Variants in MYH8 observed in about 807,000 individuals in gnomAD.
MYH8 encodes the protein myosin-8.
In MYH8, 168 loss-of-function variants were observed where a neutral mutation model predicts 233.2. That is an observed-to-expected ratio of 0.72 (90% CI 0.64 to 0.82). MYH8 has a LOEUF of 0.82. Among genes scored for constraint, MYH8 ranks in the 40% least tolerant of loss-of-function variants. The pLI is 0.00. For synonymous variants in MYH8, 785 were observed against 850.6 expected (o/e 0.92, Z 1.34); for missense variants, 1,995 against 2,327.8 (o/e 0.86, Z 2.94).
chr17:10,407,204 C>T (rs1156732469), intron 17 of MYH8, among the ~76,000 whole-genome samples: 2 of 152,088 alleles, frequency 1.3e-5, no homozygotes, highest in Admixed American at 1.3e-4. Flanking sequence ...TTTGTAACAC[C>T]AGGGATCTGT....
intron 22 of MYH8, among the ~76,000 whole-genome samples, chr17:10,402,156 GTA>G (rs200451270): frequency 6.6e-6 from 1 of 151,222 alleles, no homozygotes; most frequent in Non-Finnish European, 1.5e-5. Flanking sequence ...TCAATTTTGT[GTA>G]TATATATATA....
chr17:10,390,502 T>C lies in MYH8; in HGVS notation c.5766A>G (p.Lys1922=). 3 of 1,614,172 alleles carry C rather than the reference T, an allele frequency of 1.9e-6. No homozygotes were observed. The highest frequency in any genetic ancestry group is 2.5e-6 in the Non-Finnish European group (3 of 1,180,054). ...GAACCTCTCGGCTCTTCACTCGCAA[T>C]TTGTTGACCTGGGACTCAGCAATGT... The part of the protein sequence containing the change: ...RADIAESQVN[K]LRVKSREVHT... The change falls in exon 40 of 40, where the codon AAA becomes AAG. Residue 1922 remains lysine, a synonymous_variant. Coordinates refer to ENST00000403437, the MANE Select transcript of MYH8 (RefSeq NM_002472.3).
Position 10,396,843 on chromosome 17 carries a change from G to A in MYH8, c.4322C>T (p.Ala1441Val). 6.2e-7 allele frequency: 1 copy of A among 1,614,192 alleles called. No homozygotes were observed. The highest frequency in any genetic ancestry group is 8.5e-7 in the Non-Finnish European group (1 of 1,180,048). The change falls in exon 31 of 40, where the codon GCC becomes GTC. Residue 1441 changes from alanine to valine, a missense_variant. Coordinates refer to ENST00000403437, the MANE Select transcript of MYH8 (RefSeq NM_002472.3). This position sits in a 1 kb window ranked among gnomAD's most constrained non-coding sequence, Gnocchi z 4.2. ...LMLDVERSNA[A>V]CAALDKKQRN... ...TTGCTTCTTATCAAGGGCTGCACAGGCTGCATTAGACCTTTCCACATCAAG... is the reference window on the plus strand; with the variant it reads ...TTGCTTCTTATCAAGGGCTGCACAGACTGCATTAGACCTTTCCACATCAAG...
rs2142191056 is a variant in MYH8, at chr17:10,417,518, C to T, written c.511+1127G>A. Among the ~76,000 whole-genome samples, 1 of 152,294 alleles carries T rather than the reference C, an allele frequency of 6.6e-6. No individual in the cohort carries two copies. Among genetic ancestry groups the T allele is most frequent in the Non-Finnish European group, 1.5e-5 (1 of 68,030 alleles). On this transcript the variant is annotated intron_variant, in intron 5 of 39. Coordinates refer to ENST00000403437, the MANE Select transcript of MYH8 (RefSeq NM_002472.3). This position sits in a 1 kb window ranked among gnomAD's most constrained non-coding sequence, Gnocchi z 4.1. Reference sequence around the variant, plus strand: ...GCAATGCTAAAATAACACTCACCAGCTCAAAGGCTAGAGCTCTGTACCATT... The same window carrying T: ...GCAATGCTAAAATAACACTCACCAGTTCAAAGGCTAGAGCTCTGTACCATT...
intron 12 of MYH8, among the ~76,000 whole-genome samples, chr17:10,413,225 G>A (rs560243311): frequency 1.2e-4 from 18 of 152,176 alleles, no homozygotes; most frequent in Admixed American, 8.5e-4. Context: ...AAATTCTGTC[G>A]GTGACTATAA....
At chr17:10,403,278 C>T (rs1464825642) in intron 22 of MYH8, among the ~76,000 whole-genome samples, 1 of 152,134 alleles carries the variant, frequency 6.6e-6, no homozygotes, top group Non-Finnish European at 1.5e-5. Context: ...TTCTCAGAAA[C>T]TGTATAGCTC....
chr17:10,404,707 A>T (rs935526045), intron 21 of MYH8, 122 bp from the exon 22 acceptor site: 2 of 1,184,994 alleles, frequency 1.7e-6, no homozygotes, highest in South Asian at 2.7e-5. Context: ...CACATTCTCT[A>T]TATATTATAT....
chr17:10,407,789 A>G (rs889396895), intron 17 of MYH8, among the ~76,000 whole-genome samples: 8 of 151,930 alleles, frequency 5.3e-5, no homozygotes, highest in African/African-American at 1.9e-4. Flanking sequence ...CAGTGAGCTG[A>G]GATTGTGTCA....
At position 10,393,991 on chromosome 17, in the gene MYH8, C is replaced by CTTTT. The variant is rs35512526; in HGVS notation, c.5166+254_5166+257dup. Reference sequence around the variant, plus strand: ...TTATTTTTAAATAAAAAAGTAATAGCTTTTTTTTTTTTTTTTTTTTTTTTT... The same window carrying CTTTT: ...TTATTTTTAAATAAAAAAGTAATAGCTTTTTTTTTTTTTTTTTTTTTTTTTTTTT... On this transcript the variant is annotated intron_variant, in intron 35 of 39. Coordinates refer to ENST00000403437, the MANE Select transcript of MYH8 (RefSeq NM_002472.3). Among the ~76,000 whole-genome samples, 92 of 36,004 alleles carry CTTTT rather than the reference C, an allele frequency of 2.6e-3. 6 individuals are homozygous for CTTTT. The highest frequency in any genetic ancestry group is 5.1e-3 in the African/African-American group (41 of 8,014). The allele number at this position is 36,004 out of a possible 152,430, so 23.6% of individuals were successfully genotyped here.
rs1364071411 is a variant in MYH8, at chr17:10,418,891, A to G, written c.350T>C (p.Ile117Thr). The G allele has an allele frequency of 6.2e-7, 1 of 1,613,948 alleles. No homozygotes were observed. The change falls in exon 4 of 40, where the codon ATC becomes ACC. Residue 117 changes from isoleucine to threonine, a missense_variant. Physicochemically the swap from Ile to Thr is moderately conservative, Grantham distance 89. Coordinates refer to ENST00000403437, the MANE Select transcript of MYH8 (RefSeq NM_002472.3). The part of the protein sequence containing the change: ...NLKERYAAWM[I>T]YTYSGLFCVT... ...AAGGTGTTTACAGACACTCACGTAG[A>G]TCATCCAGGCTGCATAGCGCTCTTT...
intron 30 of MYH8, 57 bp from the exon 31 acceptor site, chr17:10,397,043 C>A (rs2072086084): frequency 6.4e-7 from 1 of 1,559,738 alleles, no homozygotes; most frequent in Non-Finnish European, 8.8e-7. Context: ...AAAGTGATAA[C>A]CTCCTTGGTC....
chr17:10,405,924 G>T, intron 21 of MYH8, 117 bp downstream of exon 21: 4 of 1,285,440 alleles, frequency 3.1e-6, no homozygotes, highest in South Asian at 2.4e-5. Context: ...GTAGGAGTGA[G>T]TTCTGAATTG....
intron 30 of MYH8, among the ~76,000 whole-genome samples, chr17:10,397,861 C>A: frequency 6.6e-6 from 1 of 152,252 alleles, no homozygotes; most frequent in African/African-American, 2.4e-5. Context: ...TAAATCAGGA[C>A]AATTCGTGCA....
intron 21 of MYH8, 120 bp from the exon 22 acceptor site, chr17:10,404,705 C>A: frequency 8.4e-7 from 1 of 1,195,870 alleles, no homozygotes; most frequent in Non-Finnish European, 1.2e-6. Context: ...GTCACATTCT[C>A]TATATATTAT....
Position 10,398,816 on chromosome 17 carries a change from A to C in MYH8, c.3933T>G (p.Ser1311=). 1 of 1,614,052 alleles carries C rather than the reference A, an allele frequency of 6.2e-7. No homozygotes were observed. The highest frequency in any genetic ancestry group is 8.5e-7 in the Non-Finnish European group (1 of 1,180,016). The change falls in exon 29 of 40, where the codon TCT becomes TCG. Residue 1311 remains serine (S), a synonymous_variant. Coordinates refer to ENST00000403437, the MANE Select transcript of MYH8 (RefSeq NM_002472.3). ...VSQLSRSKQA[S]TQQIEELKHQ... The stretch of plus-strand genomic sequence containing the variant: ...GTTTCAGCTCTTCAATCTGCTGAGT[A>C]GATGCTTGCTTGCTCCTTGAAAGCT...
At chr17:10,420,561 A>G (rs1037619015) in intron 2 of MYH8, among the ~76,000 whole-genome samples, 1 of 152,244 alleles carries the variant, frequency 6.6e-6, no homozygotes, top group Non-Finnish European at 1.5e-5. Context: ...ATTGTTTTAT[A>G]GCAACTGTCA....
chr17:10,413,657 A>T (rs1016088605), intron 12 of MYH8, among the ~76,000 whole-genome samples: 4 of 151,926 alleles, frequency 2.6e-5, no homozygotes, highest in Non-Finnish European at 5.9e-5. Context: ...ATCTCATTCT[A>T]TCTCATAGTT....
At chr17:10,397,545 G>C (rs1379768966) in intron 30 of MYH8, among the ~76,000 whole-genome samples, 1 of 152,252 alleles carries the variant, frequency 6.6e-6, no homozygotes, top group African/African-American at 2.4e-5. Flanking sequence ...CTAAGAGGCT[G>C]CTGTTAGTGC....
At chr17:10,398,992 GTGTA>G in intron 28 of MYH8, 106 bp from the exon 29 acceptor site, 14 of 439,766 alleles carry the variant, frequency 3.2e-5, no homozygotes, top group South Asian at 4.9e-5. Flanking sequence ...ATATGTGTGT[GTGTA>G]TATATATATA....
Sources: gnomAD v4.1 joint callset for allele counts (sites outside exome capture counted in the v4.1 genomes callset) on GRCh38, gnomAD v4.1.1 for gene constraint, Gnocchi (gnomAD v3.1) non-coding constraint, MANE v1.5 for transcripts, NCBI Gene and HGNC (gene_info 2026-07-23, HGNC 2026-07-21) for gene names.